Variants in SLC12A8 observed in about 807,000 individuals in gnomAD.
The protein encoded by SLC12A8 is solute carrier family 12 member 8.
In SLC12A8, 69 loss-of-function variants were observed where a neutral mutation model predicts 75.6. The ratio of observed to expected loss-of-function variants is 0.91; its 90% CI spans 0.75 to 1.11. SLC12A8 has a LOEUF of 1.11. SLC12A8 is among the 50% of genes most tolerant of loss of function. The pLI, the probability that SLC12A8 is intolerant of heterozygous loss-of-function variation, is 0.00. For synonymous variants in SLC12A8, 365 were observed against 372.8 expected (o/e 0.98, Z 0.24); for missense variants, 877 against 896.7 (o/e 0.98, Z 0.28).
intron 6 of SLC12A8, among the ~76,000 whole-genome samples, chr3:125,126,187 C>T (rs996069558): frequency 2.6e-5 from 4 of 152,192 alleles, no homozygotes; most frequent in African/African-American, 9.6e-5. Context: ...TATTTATGGT[C>T]TCAGTTTTGA....
At position 125,107,635 on chromosome 3, in the gene SLC12A8, G is replaced by A. The variant is rs761104131; in HGVS notation, c.1551C>T (p.Val517=). ...CAGCGGGCAACCTGTCAGAGATCTC[G>A]ACAGGGAAAGAAGGAGGGGATTTGA... The part of the protein sequence containing the change: ...LDLKSPPSFP[V]EISDRLPAAS... The change falls in exon 10 of 14, where the codon GTC becomes GTT. Residue 517 remains valine (V), a synonymous_variant. Coordinates refer to ENST00000469902, the MANE Select transcript of SLC12A8 (RefSeq NM_024628.6). 9 of 1,614,046 alleles carry A rather than the reference G, an allele frequency of 5.6e-6. No homozygotes were observed. The highest frequency in any genetic ancestry group is 3.3e-5 in the Admixed American group (2 of 60,000).
At chr3:125,101,877 A>T (rs1364558636) in intron 10 of SLC12A8, among the ~76,000 whole-genome samples, 1 of 152,264 alleles carries the variant, frequency 6.6e-6, no homozygotes, top group East Asian at 1.9e-4. Context: ...CATCAATTCA[A>T]GTAGGCTTTA....
chr3:125,122,592 C>T (rs1414635352), intron 6 of SLC12A8, among the ~76,000 whole-genome samples: 1 of 152,188 alleles, frequency 6.6e-6, no homozygotes, highest in African/African-American at 2.4e-5. Context: ...CCTCGGAATG[C>T]TTCTCTACAA....
rs542073723 is a variant in SLC12A8 at position 125,155,068 on chromosome 3, T to A, written c.623-19286A>T. On this transcript the variant is annotated intron_variant, in intron 5 of 13. Transcript: ENST00000469902. The stretch of plus-strand genomic sequence containing the variant: ...GGTGAGACGGTGCAAGATTTCATCA[T>A]GCTACTCAGAATGGCGGGCAATTTA... The A allele has an allele frequency of 9.2e-5, 14 of 152,330 alleles. No individual in the cohort carries two copies. In the East Asian group the frequency reaches 2.7e-3, roughly 29 times the overall value. 9.4% of individuals were successfully genotyped at this position (152,330 alleles called of 1,614,324 possible).
At chr3:125,198,457 A>AC (rs1935048576) in intron 2 of SLC12A8, among the ~76,000 whole-genome samples, 1 of 151,960 alleles carries the variant, frequency 6.6e-6, no homozygotes, top group Admixed American at 6.5e-5. Flanking sequence ...ATATGGTGAA[A>AC]CCCCACCTCT....
intron 4 of SLC12A8, among the ~76,000 whole-genome samples, chr3:125,184,053 A>ACCTCT (rs1326673659): frequency 6.6e-6 from 1 of 151,890 alleles, no homozygotes. Context: ...GCTAACTGCA[A>ACCTCT]CCTCTGCCTC....
At chr3:125,160,027 G>A (rs951333495) in intron 5 of SLC12A8, among the ~76,000 whole-genome samples, 3 of 152,154 alleles carry the variant, frequency 2.0e-5, no homozygotes, top group African/African-American at 7.2e-5. Flanking sequence ...CTGTGACCTC[G>A]AACTCTTGGG....
chr3:125,092,500 G>A (rs1485933898), intron 10 of SLC12A8, among the ~76,000 whole-genome samples: 1 of 152,168 alleles, frequency 6.6e-6, no homozygotes, highest in Non-Finnish European at 1.5e-5. Flanking sequence ...TTTTTCAGAT[G>A]TAAGGTGTTA....
intron 6 of SLC12A8, among the ~76,000 whole-genome samples, chr3:125,132,256 T>TAAAA (rs1209185598): frequency 3.0e-4 from 46 of 152,326 alleles, no homozygotes; most frequent in South Asian, 1.7e-3. Context: ...TGACTCTTTT[T>TAAAA]GTTTTATAAA....
At chr3:125,188,841 G>A (rs1934851758) in intron 3 of SLC12A8, among the ~76,000 whole-genome samples, 1 of 152,238 alleles carries the variant, frequency 6.6e-6, no homozygotes, top group Non-Finnish European at 1.5e-5. Context: ...CCCTGGCTGT[G>A]GCTAAGGCCG....
chr3:125,123,517 T>G (rs1159369724), intron 6 of SLC12A8: 1 of 152,176 alleles, frequency 6.6e-6, no homozygotes, highest in East Asian at 1.9e-4. Context: ...TAAGGCAGCT[T>G]TAATTGACTC....
At chr3:125,098,223 T>C (rs1033739882) in intron 10 of SLC12A8, among the ~76,000 whole-genome samples, 1 of 152,192 alleles carries the variant, frequency 6.6e-6, no homozygotes, top group East Asian at 1.9e-4. Context: ...ATTGCCTTAG[T>C]CCACACAGAA....
At chr3:125,125,118 C>CA (rs1357128912) in intron 6 of SLC12A8, among the ~76,000 whole-genome samples, 1 of 96,906 alleles carries the variant, frequency 1.0e-5, no homozygotes, top group South Asian at 5.9e-4. Flanking sequence ...TGGCATTGAA[C>CA]CCTTTTTTTT....
intron 5 of SLC12A8, among the ~76,000 whole-genome samples, chr3:125,148,012 G>A (rs917480636): frequency 1.3e-4 from 20 of 152,184 alleles, no homozygotes; most frequent in African/African-American, 3.6e-4. Flanking sequence ...CGAGGCAGGC[G>A]TTATTACCTG....
chr3:125,146,479 A>G (rs561101437), intron 5 of SLC12A8, among the ~76,000 whole-genome samples: 6 of 152,374 alleles, frequency 3.9e-5, no homozygotes, highest in Non-Finnish European at 4.4e-5. Context: ...ACAAACAAAC[A>G]AACAATCAAA....
chr3:125,188,218 C>A (rs1934834419), intron 3 of SLC12A8, among the ~76,000 whole-genome samples: 1 of 152,198 alleles, frequency 6.6e-6, no homozygotes, highest in Non-Finnish European at 1.5e-5. Flanking sequence ...ATCTCTCTTG[C>A]CTTCTCTCCG....
At chr3:125,088,142 TG>T in intron 13 of SLC12A8, 167 bp downstream of exon 13, 1 of 611,138 alleles carries the variant, frequency 1.6e-6, no homozygotes, top group Non-Finnish European at 3.0e-6. Flanking sequence ...GGGCCGAGTG[TG>T]GTGGAGTGCA....
chr3:125,128,761 A>T (rs1933281317), intron 6 of SLC12A8, among the ~76,000 whole-genome samples: 2 of 152,162 alleles, frequency 1.3e-5, no homozygotes, highest in East Asian at 3.9e-4. Context: ...TAAACATGGG[A>T]ACCCCATTCT....
intron 5 of SLC12A8, among the ~76,000 whole-genome samples, chr3:125,173,692 A>G (rs778932803): frequency 3.6e-4 from 55 of 152,226 alleles, no homozygotes; most frequent in Non-Finnish European, 1.5e-4. Flanking sequence ...TCTGCAAAAG[A>G]CACTGTTAAA....
Sources: gnomAD v4.1 joint callset for allele counts (sites outside exome capture counted in the v4.1 genomes callset) on GRCh38, gnomAD v4.1.1 for gene constraint, MANE v1.5 for transcripts, NCBI Gene and HGNC (gene_info 2026-07-23, HGNC 2026-07-21) for gene names.